The following FAM241A variants were observed in gnomAD, a reference collection of about 807,000 sequenced individuals.
The protein encoded by FAM241A is uncharacterized protein FAM241A.
In FAM241A, 7 loss-of-function variants were observed where a neutral mutation model predicts 12.2. That is an observed-to-expected ratio of 0.58 (90% CI 0.33 to 1.08). FAM241A has a LOEUF of 1.08. Ranked by LOEUF, FAM241A falls within the 50% of genes least tolerant of loss-of-function variation. The probability of loss-of-function intolerance (pLI) is 0.04; values close to 1 mark genes in which losing one functional copy is unlikely to be tolerated. For missense variants in FAM241A, 161 were observed against 169.7 expected, an observed-to-expected ratio of 0.95 and a Z score of 0.29; for synonymous variants, 74 against 68.2, an observed-to-expected ratio of 1.08 and a Z score of -0.42.
chr4:112,178,137 T>A lies in FAM241A; in HGVS notation c.154-8556T>A, dbSNP rs191019913. On this transcript the variant is annotated intron_variant, in intron 1 of 1. Transcript: ENST00000309733. ...GACAGAAAATAGATATATAAAGAAA[T>A]AATTTTATAGCAAAATACTATGCTA... Among the ~76,000 whole-genome samples, 638 of 152,226 alleles carry A rather than the reference T, an allele frequency of 4.2e-3. 6 individuals carry two copies. Among genetic ancestry groups the A allele is most frequent in the African/African-American group, 0.015 (612 of 41,544 alleles).
intron 1 of FAM241A, among the ~76,000 whole-genome samples, chr4:112,159,255 C>A (rs1439528560): frequency 6.6e-6 from 1 of 152,182 alleles, no homozygotes; most frequent in Non-Finnish European, 1.5e-5. Context: ...ACTATGGTAA[C>A]ATATCTTTCT....
intron 1 of FAM241A, among the ~76,000 whole-genome samples, chr4:112,177,925 T>A (rs1723855423): frequency 6.6e-6 from 1 of 152,198 alleles, no homozygotes; most frequent in African/African-American, 2.4e-5. Context: ...ATTTAAGTTT[T>A]CTTTGTTTTA....
chr4:112,161,036 A>G (rs1211478173), intron 1 of FAM241A, among the ~76,000 whole-genome samples: 1 of 152,228 alleles, frequency 6.6e-6, no homozygotes, highest in African/African-American at 2.4e-5. Context: ...AGTACAGGCA[A>G]CTAAAGCAAA....
At chr4:112,180,436 A>T (rs1378923950) in intron 1 of FAM241A, among the ~76,000 whole-genome samples, 1 of 152,198 alleles carries the variant, frequency 6.6e-6, no homozygotes, top group Non-Finnish European at 1.5e-5. Flanking sequence ...TGTCCTCTTT[A>T]TACAGTATTT....
At position 112,184,965 on chromosome 4, in the gene FAM241A, G is replaced by A. The variant is rs10212873; in HGVS notation, c.154-1728G>A. ...TAAAATTTCCTCAAATTCATTGGCT[G>A]TTTGTGGCAGATGATTTTGTGACAC... On this transcript the variant is annotated intron_variant, in intron 1 of 1. Coordinates refer to ENST00000309733, the MANE Select transcript of FAM241A (RefSeq NM_152400.3). Among the ~76,000 whole-genome samples the A allele has an allele frequency of 7.5e-3, 1,142 of 152,056 alleles. 8 individuals are homozygous for A. Among genetic ancestry groups the A allele is most frequent in the Non-Finnish European group, 0.013 (882 of 67,982 alleles).
In FAM241A at chr4:112,188,248, G is replaced by A. The variant is rs1724085196; in HGVS notation, c.*1310G>A. On this transcript the variant is annotated 3_prime_UTR_variant, in exon 2 of 2. Transcript: ENST00000309733. The stretch of plus-strand genomic sequence containing the variant: ...AAGTTAAATTTCAGAAATTGGGGCA[G>A]TCAGGCATTTGTATCTTTGGTAGGG... 6.6e-6 allele frequency: 1 copy of A among 152,124 alleles called. No homozygotes were observed. The highest frequency in any genetic ancestry group is 2.4e-5 in the African/African-American group (1 of 41,454). The allele number at this position is 152,124 out of a possible 1,614,324, so 9.4% of individuals were successfully genotyped here. A position where few individuals can be genotyped will look rare whatever the true frequency, so the allele number is the denominator to read the frequency against.
At chr4:112,150,489 A>G (rs928617898) in intron 1 of FAM241A, among the ~76,000 whole-genome samples, 10 of 152,370 alleles carry the variant, frequency 6.6e-5, no homozygotes, top group African/African-American at 2.4e-4. Flanking sequence ...TCAAATGATA[A>G]TGTCTCATTT....
intron 1 of FAM241A, among the ~76,000 whole-genome samples, chr4:112,169,229 T>G (rs1723667519): frequency 6.6e-6 from 1 of 152,300 alleles, no homozygotes; most frequent in South Asian, 2.1e-4. Context: ...GAATCAGTCC[T>G]CATCTAGTTA....
At chr4:112,182,003 A>G (rs1303924484) in intron 1 of FAM241A, among the ~76,000 whole-genome samples, 1 of 152,214 alleles carries the variant, frequency 6.6e-6, no homozygotes, top group African/African-American at 2.4e-5. Flanking sequence ...TGGAATAGTC[A>G]AGAGATCTTA....
At chr4:112,176,638 G>T (rs1723828308) in intron 1 of FAM241A, among the ~76,000 whole-genome samples, 1 of 152,154 alleles carries the variant, frequency 6.6e-6, no homozygotes, top group African/African-American at 2.4e-5. Context: ...TTACTTAAGG[G>T]TTTACCTTTA....
rs1724103918 is a variant in FAM241A at position 112,189,015 on chromosome 4, T to C, written c.*2077T>C. ...ATGTAATGGAAATAAAATATTTTCT[T>C]TTATGAAATATATTAGAATGCAGAT... On this transcript the variant is annotated 3_prime_UTR_variant, in exon 2 of 2. Coordinates refer to ENST00000309733, the MANE Select transcript of FAM241A (RefSeq NM_152400.3). The C allele has an allele frequency of 6.6e-6, 1 of 152,180 alleles. No individual in the cohort carries two copies. The highest frequency in any genetic ancestry group is 2.4e-5 in the African/African-American group (1 of 41,440). 9.4% of individuals were successfully genotyped at this position (152,180 alleles called of 1,614,324 possible). A position where few individuals can be genotyped will look rare whatever the true frequency, so the allele number is the denominator to read the frequency against.
intron 1 of FAM241A, among the ~76,000 whole-genome samples, chr4:112,169,066 CTT>C (rs1271882247): frequency 3.3e-5 from 5 of 152,304 alleles, no homozygotes; most frequent in Non-Finnish European, 5.9e-5. Flanking sequence ...TTCCATATAA[CTT>C]TACCTTGGGC....
At chr4:112,175,728 A>G (rs546659930) in intron 1 of FAM241A, among the ~76,000 whole-genome samples, 3 of 152,104 alleles carry the variant, frequency 2.0e-5, no homozygotes, top group African/African-American at 4.8e-5. Flanking sequence ...AGATCATGCC[A>G]TGGCACTCCA....
rs1724109277 is a variant in FAM241A, at chr4:112,189,187, C to A, written c.*2249C>A. The A allele has an allele frequency of 6.6e-6, 1 of 151,768 alleles. No individual in the cohort carries two copies. The highest frequency in any genetic ancestry group is 6.6e-5 in the Admixed American group (1 of 15,238). 9.4% of individuals were successfully genotyped at this position (151,768 alleles called of 1,614,324 possible). A position where few individuals can be genotyped will look rare whatever the true frequency, so the allele number is the denominator to read the frequency against. ...GATCACAAGGTCAGGAGATCGAGACCTTCCTGGCTAACATGGTGAAACCCC... is the reference window on the plus strand; with the variant it reads ...GATCACAAGGTCAGGAGATCGAGACATTCCTGGCTAACATGGTGAAACCCC... On this transcript the variant is annotated 3_prime_UTR_variant, in exon 2 of 2. Transcript: ENST00000309733.
At chr4:112,181,975 G>A (rs1723951022) in intron 1 of FAM241A, among the ~76,000 whole-genome samples, 1 of 152,168 alleles carries the variant, frequency 6.6e-6, no homozygotes, top group Non-Finnish European at 1.5e-5. Context: ...TTGTGCAGTA[G>A]CAGTGTTAGG....
chr4:112,179,943 A>ATATATATATATATGTG (rs1553921438), intron 1 of FAM241A, among the ~76,000 whole-genome samples: 2 of 129,514 alleles, frequency 1.5e-5, no homozygotes, highest in Non-Finnish European at 3.2e-5. Flanking sequence ...ATATATGTAT[A>ATATATATATATATGTG]TGTGTGTGTG....
At chr4:112,170,775 A>G (rs1243485156) in intron 1 of FAM241A, among the ~76,000 whole-genome samples, 1 of 152,160 alleles carries the variant, frequency 6.6e-6, no homozygotes, top group Non-Finnish European at 1.5e-5. Flanking sequence ...GAAACTGGAT[A>G]AGGGGGACTA....
rs1724126540 is a variant in FAM241A at position 112,189,742 on chromosome 4, CTGTGAACA to C, written c.*2806_*2813del. Reference sequence around the variant, plus strand: ...GCTTGCACTGGCTTACAAGAGCCAACTGTGAACATTTTTTCTGCCTTCAGTGCTGTCAA... The same window carrying C: ...GCTTGCACTGGCTTACAAGAGCCAACTTTTTTCTGCCTTCAGTGCTGTCAA... On this transcript the variant is annotated 3_prime_UTR_variant, in exon 2 of 2. Transcript: ENST00000309733. 1 of 152,134 alleles carries C rather than the reference CTGTGAACA, an allele frequency of 6.6e-6. No homozygotes were observed. Among genetic ancestry groups the C allele is most frequent in the South Asian group, 2.1e-4 (1 of 4,834 alleles). The allele number at this position is 152,134 out of a possible 1,614,324, so 9.4% of individuals were successfully genotyped here. A position where few individuals can be genotyped will look rare whatever the true frequency, so the allele number is the denominator to read the frequency against.
rs549547835 is a variant in FAM241A at position 112,163,061 on chromosome 4, G to C, written c.153+17328G>C. ...CTGAGAAAAACAAGCAATGGGGAAA[G>C]GATTTCCTATTGAATAAATGGTGCT... On this transcript the variant is annotated intron_variant, in intron 1 of 1. Coordinates refer to ENST00000309733, the MANE Select transcript of FAM241A (RefSeq NM_152400.3). Among the ~76,000 whole-genome samples the C allele has an allele frequency of 1.1e-4, 16 of 152,252 alleles. No homozygotes were observed. In the South Asian group the frequency reaches 3.3e-3, roughly 32 times the overall value.
Sources: allele counts gnomAD v4.1 joint callset (sites outside exome capture counted in the v4.1 genomes callset), GRCh38; gene constraint gnomAD v4.1.1; transcripts MANE v1.5; gene names NCBI Gene and HGNC (gene_info 2026-07-23, HGNC 2026-07-21).